Variants in PRKN observed in about 807,000 individuals in gnomAD.
The protein encoded by PRKN is E3 ubiquitin-protein ligase parkin.
A neutral mutation model predicts 59.5 loss-of-function variants in PRKN; 56 were observed. The ratio of observed to expected loss-of-function variants is 0.94; its 90% CI spans 0.76 to 1.18. The LOEUF (loss-of-function observed/expected upper bound fraction) is 1.18. Ranked by LOEUF, PRKN falls within the 50% of genes most tolerant of loss-of-function variation. PRKN has a pLI of 0.00. For synonymous variants in PRKN, 250 were observed against 222.1 expected (o/e 1.13, Z -1.12); for missense variants, 657 against 596.4 (o/e 1.10, Z -1.06).
Position 161,427,451 on chromosome 6 carries a change from C to T in PRKN, c.1084-40574G>A, listed in dbSNP as rs949472390. Among the ~76,000 whole-genome samples, 20 of 152,248 alleles carry T rather than the reference C, an allele frequency of 1.3e-4. 1 individual carries two copies. Among genetic ancestry groups the T allele is most frequent in the African/African-American group, 4.6e-4 (19 of 41,530 alleles). Reference sequence around the variant, plus strand: ...CTCAAGCCCACCAGCTCGTAAAAGACACAGCTGGGATTAGAACTCAGGTAG... The same window carrying T: ...CTCAAGCCCACCAGCTCGTAAAAGATACAGCTGGGATTAGAACTCAGGTAG... On this transcript the variant is annotated intron_variant, in intron 9 of 11. Coordinates refer to ENST00000366898, the MANE Select transcript of PRKN (RefSeq NM_004562.3).
chr6:161,808,567 A>C (rs983664525), intron 6 of PRKN, among the ~76,000 whole-genome samples: 6 of 152,178 alleles, frequency 3.9e-5, no homozygotes, highest in Non-Finnish European at 5.9e-5. Context: ...AGATGTTATA[A>C]AGGGTGTTCT....
At chr6:162,085,751 G>A (rs573426693) in intron 4 of PRKN, among the ~76,000 whole-genome samples, 3 of 152,174 alleles carry the variant, frequency 2.0e-5, no homozygotes, top group Non-Finnish European at 2.9e-5. Context: ...CTCAATCAGC[G>A]CTGGCAGGTT....
chr6:161,704,926 T>C (rs1442040488), intron 7 of PRKN, among the ~76,000 whole-genome samples: 3 of 152,212 alleles, frequency 2.0e-5, no homozygotes, highest in Non-Finnish European at 4.4e-5. Context: ...AGGGGACTTT[T>C]CAAAGAATGT....
At chr6:162,132,460 A>G (rs535072344) in intron 4 of PRKN, among the ~76,000 whole-genome samples, 8 of 152,278 alleles carry the variant, frequency 5.3e-5, no homozygotes, top group Middle Eastern at 3.4e-3. Context: ...CCTTGGGTAT[A>G]TGCAGTATCT....
At chr6:162,558,208 T>C (rs1287232613) in intron 1 of PRKN, among the ~76,000 whole-genome samples, 2 of 152,206 alleles carry the variant, frequency 1.3e-5, no homozygotes, top group Admixed American at 1.3e-4. Context: ...AAGTATATTA[T>C]CAGGAATCTC....
chr6:161,775,620 G>A (rs1158578315), intron 7 of PRKN, among the ~76,000 whole-genome samples: 2 of 152,052 alleles, frequency 1.3e-5, no homozygotes, highest in African/African-American at 2.4e-5. Context: ...CTTTTGTAAC[G>A]CATCTTTTAA....
chr6:162,419,470 T>G (rs1489130630), intron 2 of PRKN, among the ~76,000 whole-genome samples: 1 of 152,050 alleles, frequency 6.6e-6, no homozygotes, highest in Admixed American at 6.6e-5. Context: ...TGTACAAGAA[T>G]AAGACATTTA....
chr6:161,820,466 A>C (rs960028682), intron 6 of PRKN, among the ~76,000 whole-genome samples: 1 of 148,748 alleles, frequency 6.7e-6, no homozygotes, highest in African/African-American at 2.4e-5. Flanking sequence ...ATAATGTTAA[A>C]GTTTATATGT....
In PRKN at chr6:161,734,651, T is replaced by C. The variant is rs117647856; in HGVS notation, c.871+51121A>G. Among the ~76,000 whole-genome samples, 116 of 152,354 alleles carry C rather than the reference T, an allele frequency of 7.6e-4. 2 individuals carry two copies. The highest frequency in any genetic ancestry group is 7.2e-4 in the Non-Finnish European group (49 of 68,030). ...CCCTAAACATTTAGAGGAAATTTCTTGGCATAGGTGAGTTTTTAATGCTAA... is the reference window on the plus strand; with the variant it reads ...CCCTAAACATTTAGAGGAAATTTCTCGGCATAGGTGAGTTTTTAATGCTAA... On this transcript the variant is annotated intron_variant, in intron 7 of 11. Coordinates refer to ENST00000366898, the MANE Select transcript of PRKN (RefSeq NM_004562.3).
chr6:162,245,244 C>T (rs973163408), intron 3 of PRKN, among the ~76,000 whole-genome samples: 1 of 151,998 alleles, frequency 6.6e-6, no homozygotes, highest in Non-Finnish European at 1.5e-5. Flanking sequence ...AGTGGAAATA[C>T]AAAGAATTTC....
chr6:161,356,973 G>A lies in PRKN; in HGVS notation c.1285+3115C>T, dbSNP rs976975006. ...AGTGTCTCAGGTGTCCCCACAAGCCGACAGTAAGTGCTGAACCAAACAACC... is the reference window on the plus strand; with the variant it reads ...AGTGTCTCAGGTGTCCCCACAAGCCAACAGTAAGTGCTGAACCAAACAACC... On this transcript the variant is annotated intron_variant, in intron 11 of 11. Coordinates refer to ENST00000366898, the MANE Select transcript of PRKN (RefSeq NM_004562.3). The surrounding 1 kb of genome is among the most constrained non-coding windows in gnomAD (Gnocchi z 7.8). 1.3e-5 allele frequency among the ~76,000 whole-genome samples: 2 copies of A among 151,756 alleles called. No homozygotes were observed. The highest frequency in any genetic ancestry group is 1.9e-4 in the East Asian group (1 of 5,140).
intron 7 of PRKN, among the ~76,000 whole-genome samples, chr6:161,688,328 CT>C (rs1260918663): frequency 1.3e-5 from 2 of 152,178 alleles, no homozygotes; most frequent in African/African-American, 2.4e-5. Context: ...TCTCCTTTCC[CT>C]GTGGATAGCA....
At chr6:162,597,987 GTTT>G (rs1009204846) in intron 1 of PRKN, among the ~76,000 whole-genome samples, 3 of 151,984 alleles carry the variant, frequency 2.0e-5, no homozygotes, top group African/African-American at 7.3e-5. Context: ...CAAAAAACAA[GTTT>G]TTATCTGAAT....
Position 161,518,389 on chromosome 6 carries a change from T to C in PRKN, c.1083+30465A>G, listed in dbSNP as rs1439633377. Reference sequence around the variant, plus strand: ...AGCAGAAGGGCCCAGAAACAGCCAGTAGCCAGGCGTGGTGGTGGGCGCCTG... The same window carrying C: ...AGCAGAAGGGCCCAGAAACAGCCAGCAGCCAGGCGTGGTGGTGGGCGCCTG... On this transcript the variant is annotated intron_variant, in intron 9 of 11. Coordinates refer to ENST00000366898, the MANE Select transcript of PRKN (RefSeq NM_004562.3). This position sits in a 1 kb window ranked among gnomAD's most constrained non-coding sequence, Gnocchi z 5.0. 1.3e-5 allele frequency among the ~76,000 whole-genome samples: 2 copies of C among 152,176 alleles called. No homozygotes were observed. The highest frequency in any genetic ancestry group is 6.5e-5 in the Admixed American group (1 of 15,280).
At position 161,588,690 on chromosome 6, in the gene PRKN, G is replaced by T. The variant is rs886274961; in HGVS notation, c.872-19274C>A. ...TGAGTTTCCCAGCAATCAGAACAAA[G>T]AGGGCACCACAATCCCTAGAAAATA... On this transcript the variant is annotated intron_variant, in intron 7 of 11. Transcript: ENST00000366898. The surrounding 1 kb of genome is among the most constrained non-coding windows in gnomAD (Gnocchi z 5.0). Among the ~76,000 whole-genome samples, 10 of 152,140 alleles carry T rather than the reference G, an allele frequency of 6.6e-5. No individual in the cohort carries two copies. The highest frequency in any genetic ancestry group is 1.3e-4 in the Non-Finnish European group (9 of 68,020).
intron 2 of PRKN, among the ~76,000 whole-genome samples, chr6:162,352,236 G>A (rs1784655012): frequency 6.6e-6 from 1 of 152,132 alleles, no homozygotes; most frequent in Admixed American, 6.6e-5. Flanking sequence ...CCCACCAGGG[G>A]GCCCTGAGAA....
intron 9 of PRKN, among the ~76,000 whole-genome samples, chr6:161,501,875 C>A (rs1442074300): frequency 6.6e-6 from 1 of 152,202 alleles, no homozygotes; most frequent in Non-Finnish European, 1.5e-5. Flanking sequence ...ACAGCAGCAT[C>A]CTGAGGCTGA....
At chr6:162,413,774 A>G (rs1788471269) in intron 2 of PRKN, among the ~76,000 whole-genome samples, 2 of 152,312 alleles carry the variant, frequency 1.3e-5, no homozygotes, top group Middle Eastern at 3.4e-3. Context: ...ACCTATTTTA[A>G]TAGTTTCATC....
intron 6 of PRKN, among the ~76,000 whole-genome samples, chr6:161,903,074 T>G (rs749775159): frequency 6.6e-6 from 1 of 152,190 alleles, no homozygotes; most frequent in Non-Finnish European, 1.5e-5. Flanking sequence ...TGTTCATCGC[T>G]ATTGTCTTTA....
Sources: gnomAD v4.1 joint callset for allele counts (sites outside exome capture counted in the v4.1 genomes callset) on GRCh38, gnomAD v4.1.1 for gene constraint, Gnocchi (gnomAD v3.1) non-coding constraint, MANE v1.5 for transcripts, NCBI Gene and HGNC (gene_info 2026-07-23, HGNC 2026-07-21) for gene names.